The following TNR variants were observed in gnomAD, a reference collection of about 807,000 sequenced individuals.
TNR encodes the protein tenascin-R.
In TNR, 45 loss-of-function variants were observed where a neutral mutation model predicts 150.4. The observed-to-expected ratio is 0.30, with a 90% confidence interval of 0.24 to 0.38. TNR has a LOEUF of 0.38. Among genes scored for constraint, TNR ranks in the 10% least tolerant of loss-of-function variants. TNR has a pLI of 1.00. For synonymous variants in TNR, 687 were observed against 678.4 expected (o/e 1.01, Z -0.20); for missense variants, 1,544 against 1,759.1 (o/e 0.88, Z 2.19).
chr1:175,352,262 T>A (rs1651088021), intron 18 of TNR, among the ~76,000 whole-genome samples: 1 of 152,180 alleles, frequency 6.6e-6, no homozygotes, highest in Non-Finnish European at 1.5e-5. Flanking sequence ...TGCTCACAAC[T>A]GCTAGCTGTG....
chr1:175,568,306 G>GTT (rs11363778), intron 1 of TNR, among the ~76,000 whole-genome samples: 47 of 147,000 alleles, frequency 3.2e-4, no homozygotes, highest in East Asian at 1.8e-3. Context: ...CCTAACTGCT[G>GTT]TTTTTTTTTT....
intron 16 of TNR, 24 bp downstream of exon 16, chr1:175,356,295 G>C (rs377534855): frequency 9.3e-6 from 15 of 1,613,556 alleles, no homozygotes; most frequent in Non-Finnish European, 1.3e-5. Context: ...AGGGATACGG[G>C]TATGTAGGTG....
At chr1:175,427,888 C>CCCTTCCTTCCTTCCTT (rs765901559) in intron 2 of TNR, among the ~76,000 whole-genome samples, 2 of 63,372 alleles carry the variant, frequency 3.2e-5, no homozygotes, top group African/African-American at 7.6e-5. Flanking sequence ...CTCCCTTCTT[C>CCCTTCCTTCCTTCCTT]GCTTCCTTCC....
At chr1:175,471,808 G>A (rs574386518) in intron 2 of TNR, among the ~76,000 whole-genome samples, 2 of 151,968 alleles carry the variant, frequency 1.3e-5, no homozygotes, top group South Asian at 2.1e-4. Context: ...ACATTTTTAC[G>A]TTATACACTT....
intron 2 of TNR, among the ~76,000 whole-genome samples, chr1:175,498,115 A>G (rs1330679506): frequency 6.7e-6 from 1 of 148,244 alleles, no homozygotes; most frequent in Non-Finnish European, 1.5e-5. Flanking sequence ...AAAACAAACA[A>G]AGAAAACAAA....
chr1:175,638,917 T>C (rs1664566736), intron 1 of TNR, among the ~76,000 whole-genome samples: 1 of 152,354 alleles, frequency 6.6e-6, no homozygotes, highest in Non-Finnish European at 1.5e-5. Flanking sequence ...TTAAATGAAA[T>C]ATTTTCTTTG....
intron 1 of TNR, among the ~76,000 whole-genome samples, chr1:175,664,322 A>G (rs1320543956): frequency 3.3e-5 from 5 of 152,220 alleles, no homozygotes; most frequent in Non-Finnish European, 1.5e-5. Flanking sequence ...GCAGAGTGGT[A>G]GAGGTATGGT....
At chr1:175,714,351 C>G (rs928043641) in intron 1 of TNR, among the ~76,000 whole-genome samples, 3 of 152,094 alleles carry the variant, frequency 2.0e-5, no homozygotes, top group Admixed American at 2.0e-4. Context: ...GAGGCAATTG[C>G]TTCAATACAT....
chr1:175,386,718 G>A (rs1391298413), intron 7 of TNR, among the ~76,000 whole-genome samples: 1 of 152,150 alleles, frequency 6.6e-6, no homozygotes, highest in East Asian at 1.9e-4. Context: ...GAAATGACCA[G>A]CCCACCTAAA....
At position 175,319,849 on chromosome 1, in the gene TNR, C is replaced by T. The variant is rs1265706219; in HGVS notation, c.*3508G>A. The T allele has an allele frequency of 6.6e-6, 1 of 152,220 alleles. No homozygotes were observed. Among genetic ancestry groups the T allele is most frequent in the East Asian group, 1.9e-4 (1 of 5,194 alleles). 9.4% of individuals were successfully genotyped at this position (152,220 alleles called of 1,614,324 possible). ...GTGGCCACACTTAGCAAGTCCCCTTCCACCAGTTCACTGTGGTCTCAAGGC... is the reference window on the plus strand; with the variant it reads ...GTGGCCACACTTAGCAAGTCCCCTTTCACCAGTTCACTGTGGTCTCAAGGC... On this transcript the variant is annotated 3_prime_UTR_variant, in exon 23 of 23. Transcript: ENST00000367674.
intron 1 of TNR, among the ~76,000 whole-genome samples, chr1:175,626,247 A>G (rs1370162778): frequency 6.6e-6 from 1 of 152,168 alleles, no homozygotes; most frequent in Non-Finnish European, 1.5e-5. Context: ...ATGCACTAAT[A>G]CATTCCTGTT....
intron 1 of TNR, among the ~76,000 whole-genome samples, chr1:175,655,573 G>A (rs1290336581): frequency 1.3e-5 from 2 of 152,228 alleles, no homozygotes; most frequent in Non-Finnish European, 2.9e-5. Context: ...GATGAGTGCT[G>A]TGGGAGTCCT....
chr1:175,589,941 A>T (rs1192802959), intron 1 of TNR, among the ~76,000 whole-genome samples: 1 of 152,204 alleles, frequency 6.6e-6, no homozygotes, highest in African/African-American at 2.4e-5. Context: ...GCATGTGTAT[A>T]CCTATGTAAC....
At chr1:175,331,007 T>TTCTTTC (rs1649732545) in intron 20 of TNR, among the ~76,000 whole-genome samples, 1 of 42,116 alleles carries the variant, frequency 2.4e-5, no homozygotes, top group Admixed American at 3.0e-4. Flanking sequence ...GATTCTTTCT[T>TTCTTTC]TCTTTCTTTC....
At chr1:175,634,947 T>A (rs565806220) in intron 1 of TNR, among the ~76,000 whole-genome samples, 49 of 152,310 alleles carry the variant, frequency 3.2e-4, no homozygotes, top group Admixed American at 5.2e-4. Context: ...ATTCTCTTAA[T>A]GGCAAAGGTT....
At chr1:175,676,713 C>T (rs1425633501) in intron 1 of TNR, among the ~76,000 whole-genome samples, 8 of 152,176 alleles carry the variant, frequency 5.3e-5, no homozygotes, top group Non-Finnish European at 4.4e-5. Context: ...TACTCCTAGT[C>T]GATAATTATT....
At chr1:175,535,613 A>G (rs1660247914) in intron 1 of TNR, among the ~76,000 whole-genome samples, 1 of 148,668 alleles carries the variant, frequency 6.7e-6, no homozygotes, top group Non-Finnish European at 1.5e-5. Flanking sequence ...GGCACTCGCC[A>G]ACATGCCCGG....
chr1:175,411,342 T>G (rs1023312859), intron 2 of TNR, among the ~76,000 whole-genome samples: 1 of 152,210 alleles, frequency 6.6e-6, no homozygotes, highest in Non-Finnish European at 1.5e-5. Context: ...TTCTCTTTCC[T>G]GATACTTTAT....
At chr1:175,603,878 C>T (rs1369236252) in intron 1 of TNR, among the ~76,000 whole-genome samples, 2 of 152,222 alleles carry the variant, frequency 1.3e-5, no homozygotes, top group East Asian at 3.8e-4. Flanking sequence ...AGACTGCAGG[C>T]TCCTTCAGGA....
Sources: allele counts gnomAD v4.1 joint callset (sites outside exome capture counted in the v4.1 genomes callset), GRCh38; gene constraint gnomAD v4.1.1; transcripts MANE v1.5; gene names NCBI Gene and HGNC (gene_info 2026-07-23, HGNC 2026-07-21).